The following USP42 variants were observed in gnomAD, a reference collection of about 807,000 sequenced individuals.
USP42 encodes ubiquitin specific peptidase 42, also known as ubiquitin carboxyl-terminal hydrolase 42.
USP42 carries 23 observed loss-of-function variants against 113.0 expected under a neutral mutation model. That is an observed-to-expected ratio of 0.20 (90% CI 0.15 to 0.29). USP42 has a LOEUF of 0.29. Ranked by LOEUF, USP42 falls within the 10% of genes least tolerant of loss-of-function variation. The pLI is 1.00. For synonymous variants in USP42, 933 were observed against 699.0 expected (o/e 1.33, Z -5.28); for missense variants, 2,174 against 1,779.8 (o/e 1.22, Z -3.99).
chr7:6,155,316 T>G, intron 15 of USP42, 121 bp downstream of exon 15: 1 of 1,397,930 alleles, frequency 7.2e-7, no homozygotes, highest in Non-Finnish European at 9.3e-7. Flanking sequence ...CCGTCTGATT[T>G]GTGTCTTTCA....
chr7:6,105,409 G>C (rs939017860), intron 1 of USP42, among the ~76,000 whole-genome samples: 1 of 149,046 alleles, frequency 6.7e-6, no homozygotes, highest in Admixed American at 6.7e-5. Flanking sequence ...CGGGAGGCTC[G>C]GGGCGGCCGG....
At chr7:6,107,403 C>T (rs1190065618) in intron 1 of USP42, among the ~76,000 whole-genome samples, 2 of 148,052 alleles carry the variant, frequency 1.4e-5, no homozygotes, top group Non-Finnish European at 3.0e-5. Flanking sequence ...CTTTCTTCTT[C>T]CTTTTCTTTT....
intron 3 of USP42, among the ~76,000 whole-genome samples, chr7:6,130,732 T>A (rs2128494762): frequency 6.6e-6 from 1 of 152,244 alleles, no homozygotes; most frequent in South Asian, 2.1e-4. Flanking sequence ...TTTTGTATTC[T>A]TTTATGAGAT....
upstream of USP42, among the ~76,000 whole-genome samples, chr7:6,104,008 C>A (rs549285941): frequency 4.0e-5 from 6 of 151,272 alleles, no homozygotes; most frequent in South Asian, 1.2e-3. Context: ...CGCTTGAGCC[C>A]GGGAGGTCGC....
chr7:6,092,518 T>C, the USP42 span, among the ~76,000 whole-genome samples: 1 of 151,046 alleles, frequency 6.6e-6, no homozygotes, highest in Admixed American at 6.6e-5. Context: ...TTGTAAAACT[T>C]TTCCTGAACA....
intron 12 of USP42, among the ~76,000 whole-genome samples, chr7:6,149,367 C>G (rs996009219): frequency 6.6e-6 from 1 of 151,920 alleles, no homozygotes. Context: ...CATGTATGTC[C>G]TGTTTGTTGA....
At chr7:6,140,088 G>A (rs1453703985) in intron 5 of USP42, 40 bp from the exon 6 acceptor site, 2 of 1,584,684 alleles carry the variant, frequency 1.3e-6, no homozygotes, top group African/African-American at 1.3e-5. Flanking sequence ...TGGAGTTTTT[G>A]CAAAGCTCTT....
chr7:6,091,793 G>A, the USP42 span, among the ~76,000 whole-genome samples: 7 of 149,906 alleles, frequency 4.7e-5, 1 homozygote, highest in African/African-American at 1.8e-4. Context: ...AAAGTGGGGT[G>A]GTGTCTAGCT....
the USP42 span, among the ~76,000 whole-genome samples, chr7:6,096,624 G>C: frequency 6.6e-6 from 1 of 151,530 alleles, no homozygotes; most frequent in African/African-American, 2.5e-5. Flanking sequence ...AACAGGTGCA[G>C]AGCAGGAGGC....
At position 6,139,335 on chromosome 7, in the gene USP42, T is replaced by TC; in HGVS notation, c.656+143dup. Reference sequence around the variant, plus strand: ...TACCTTTTGGCTTTGCTCTGCCTCTTCCTTAGGTGATGTGCATTATTTTAA... The same window carrying TC: ...TACCTTTTGGCTTTGCTCTGCCTCTTCCCTTAGGTGATGTGCATTATTTTAA... On this transcript the variant is annotated intron_variant, in intron 5 of 17. Transcript: ENST00000306177. This position sits in a 1 kb window ranked among gnomAD's most constrained non-coding sequence, Gnocchi z 4.5. 1 of 583,934 alleles carries TC rather than the reference T, an allele frequency of 1.7e-6. No homozygotes were observed. Among genetic ancestry groups the TC allele is most frequent in the South Asian group, 2.8e-5 (1 of 36,098 alleles). The allele number at this position is 583,934 out of a possible 1,614,324, so 36.2% of individuals were successfully genotyped here. A position where few individuals can be genotyped will look rare whatever the true frequency, so the allele number is the denominator to read the frequency against.
At chr7:6,128,961 C>T (rs970670334) in intron 3 of USP42, among the ~76,000 whole-genome samples, 1 of 152,146 alleles carries the variant, frequency 6.6e-6, no homozygotes, top group African/African-American at 2.4e-5. Flanking sequence ...GCTTGGACTA[C>T]AGCTGTGCGC....
intron 3 of USP42, among the ~76,000 whole-genome samples, chr7:6,131,327 T>C (rs980023661): frequency 2.0e-5 from 3 of 151,896 alleles, no homozygotes; most frequent in Admixed American, 6.6e-5. Context: ...ATACAAACAT[T>C]AGCCGGGTAT....
chr7:6,108,867 A>G (rs1299588741), intron 1 of USP42, among the ~76,000 whole-genome samples: 1 of 152,260 alleles, frequency 6.6e-6, no homozygotes, highest in Non-Finnish European at 1.5e-5. Flanking sequence ...ATCATTCAGC[A>G]CAAGCTGGTG....
At position 6,144,082 on chromosome 7, in the gene USP42, A is replaced by C. The variant is rs61757574; in HGVS notation, c.879-3A>C. 471 of 1,541,584 alleles carry C rather than the reference A, an allele frequency of 3.1e-4. 2 individuals are homozygous for C. The African/African-American group carries it at 5.8e-3, about 19-fold the overall frequency. On this transcript the variant is annotated splice_region_variant and splice_polypyrimidine_tract_variant and intron_variant, in intron 8 of 17. Transcript: ENST00000306177. ...TTATACTTTTGTTTCTGTTTGTTTC[A>C]AGGTGTAAAAAGATGGTTCCAGCTT...
Position 6,129,892 on chromosome 7 carries a change from C to A in USP42, c.443-5949C>A, listed in dbSNP as rs547340736. Among the ~76,000 whole-genome samples, 3 of 150,762 alleles carry A rather than the reference C, an allele frequency of 2.0e-5. No individual in the cohort carries two copies. The East Asian group carries it at 5.8e-4, about 29-fold the overall frequency. Reference sequence around the variant, plus strand: ...AAAAAAAAAAGGTTTCTTTTATATACATTTAGAACCATATCAGACAATGTT... The same window carrying A: ...AAAAAAAAAAGGTTTCTTTTATATAAATTTAGAACCATATCAGACAATGTT... On this transcript the variant is annotated intron_variant, in intron 3 of 17. Transcript: ENST00000306177.
chr7:6,126,482 TC>T (rs1780551019), intron 3 of USP42, among the ~76,000 whole-genome samples: 1 of 152,194 alleles, frequency 6.6e-6, no homozygotes, highest in African/African-American at 2.4e-5. Context: ...GAGACGGGTT[TC>T]ACCGTGTTAG....
At chr7:6,140,565 C>G (rs898301940) in intron 6 of USP42, among the ~76,000 whole-genome samples, 4 of 152,164 alleles carry the variant, frequency 2.6e-5, no homozygotes, top group Non-Finnish European at 5.9e-5. Flanking sequence ...ATGGAGCATC[C>G]GTGCACACAT....
At chr7:6,155,307 C>G in intron 15 of USP42, 112 bp downstream of exon 15, 1 of 1,411,746 alleles carries the variant, frequency 7.1e-7, no homozygotes, top group South Asian at 1.6e-5. Flanking sequence ...CAGTTGTATC[C>G]GTCTGATTTG....
chr7:6,128,930 C>A (rs1780688924), intron 3 of USP42, among the ~76,000 whole-genome samples: 1 of 152,164 alleles, frequency 6.6e-6, no homozygotes, highest in African/African-American at 2.4e-5. Context: ...AAATGATCCT[C>A]CTGCCTCAGC....
Sources: gnomAD v4.1 joint callset for allele counts (sites outside exome capture counted in the v4.1 genomes callset) on GRCh38, gnomAD v4.1.1 for gene constraint, Gnocchi (gnomAD v3.1) non-coding constraint, MANE v1.5 for transcripts, NCBI Gene and HGNC (gene_info 2026-07-23, HGNC 2026-07-21) for gene names.